The following NSUN6 variants were observed in gnomAD, a reference collection of about 807,000 sequenced individuals.
NSUN6 encodes NOP2/Sun RNA methyltransferase 6.
A neutral mutation model predicts 58.0 loss-of-function variants in NSUN6; 64 were observed. The ratio of observed to expected loss-of-function variants is 1.10; its 90% confidence interval spans 0.90 to 1.36. NSUN6 has a LOEUF of 1.36. Among genes scored for constraint, NSUN6 ranks in the 40% most tolerant of loss-of-function variants. The pLI is 0.00. For synonymous variants in NSUN6, 231 were observed against 193.9 expected, an observed-to-expected ratio of 1.19 and a Z score of -1.59; for missense variants, 701 against 550.1, an observed-to-expected ratio of 1.27 and a Z score of -2.74.
At chr10:18,591,485 A>G (rs2131165958) in intron 7 of NSUN6, among the ~76,000 whole-genome samples, 1 of 152,346 alleles carries the variant, frequency 6.6e-6, no homozygotes, top group South Asian at 2.1e-4. Flanking sequence ...AAATATTGGC[A>G]AACCAGATCC....
intron 7 of NSUN6, among the ~76,000 whole-genome samples, chr10:18,588,439 C>A (rs967615795): frequency 6.6e-6 from 1 of 152,224 alleles, no homozygotes; most frequent in Non-Finnish European, 1.5e-5. Context: ...TGCTAAGGGA[C>A]AGATTGCCTC....
chr10:18,658,195 T>A (rs2059798775), upstream of NSUN6: 1 of 152,234 alleles, frequency 6.6e-6, no homozygotes, highest in Admixed American at 6.5e-5. Flanking sequence ...TTCTTTTTCC[T>A]CTACATAGGA....
chr10:18,602,124 C>T (rs1158934842), intron 6 of NSUN6, among the ~76,000 whole-genome samples: 5 of 151,664 alleles, frequency 3.3e-5, no homozygotes, highest in African/African-American at 9.7e-5. Flanking sequence ...AATGCAGTGG[C>T]GCAATCTCAG....
rs562619016 is a variant in NSUN6 at position 18,547,400 on chromosome 10, C to T, written c.1197+712G>A. On this transcript the variant is annotated intron_variant, in intron 10 of 10. Transcript: ENST00000377304. ...TCTACAATGTAATTATCTTAATTTA[C>T]GAGACTAGAAACCATCTCTGAATTG... Among the ~76,000 whole-genome samples the T allele has an allele frequency of 5.9e-5, 9 of 152,230 alleles. No individual in the cohort carries two copies. The East Asian group carries it at 9.6e-4, about 16-fold the overall frequency.
intron 7 of NSUN6, among the ~76,000 whole-genome samples, chr10:18,589,323 G>A (rs11015022): frequency 0.053 from 7,994 of 152,240 alleles, 291 homozygotes; most frequent in Non-Finnish European, 0.077. Context: ...CAGGGAGAAT[G>A]GACCAAATTG....
At chr10:18,608,558 G>A (rs2058119468) in intron 6 of NSUN6, among the ~76,000 whole-genome samples, 1 of 150,954 alleles carries the variant, frequency 6.6e-6, no homozygotes, top group East Asian at 2.0e-4. Flanking sequence ...AGGATCACCT[G>A]AGCCTGGGAG....
chr10:18,582,860 T>C (rs949723767), intron 8 of NSUN6, among the ~76,000 whole-genome samples: 4 of 152,142 alleles, frequency 2.6e-5, no homozygotes, highest in Non-Finnish European at 5.9e-5. Context: ...TTTACTAAAA[T>C]AGTGGAGCCA....
chr10:18,657,717 A>T (rs374459836), upstream of NSUN6, among the ~76,000 whole-genome samples: 2 of 152,048 alleles, frequency 1.3e-5, no homozygotes, highest in East Asian at 1.9e-4. Flanking sequence ...AGGTTCAAGC[A>T]ATTCTCCTGC....
chr10:18,638,616 A>G (rs555328483), intron 3 of NSUN6, among the ~76,000 whole-genome samples: 7 of 152,302 alleles, frequency 4.6e-5, no homozygotes, highest in South Asian at 4.1e-4. Context: ...TTTCTTCACA[A>G]TAACATTTGA....
intron 5 of NSUN6, among the ~76,000 whole-genome samples, chr10:18,610,795 G>A (rs555273991): frequency 6.6e-6 from 1 of 152,332 alleles, no homozygotes; most frequent in Admixed American, 6.5e-5. Flanking sequence ...CTGGCCTTGT[G>A]TGTCAGGCCA....
chr10:18,572,205 T>C (rs1004325040), intron 8 of NSUN6, among the ~76,000 whole-genome samples: 1 of 148,144 alleles, frequency 6.8e-6, no homozygotes, highest in Non-Finnish European at 1.5e-5. Context: ...TTCCATTCCA[T>C]TTCAATTCAT....
In NSUN6 at chr10:18,545,714, CAT is replaced by C; in HGVS notation, c.*217_*218del. 2.2e-6 allele frequency: 1 copy of C among 463,604 alleles called. No individual in the cohort carries two copies. The highest frequency in any genetic ancestry group is 3.7e-6 in the Non-Finnish European group (1 of 268,994). 28.7% of individuals were successfully genotyped at this position (463,604 alleles called of 1,614,324 possible). On this transcript the variant is annotated 3_prime_UTR_variant, in exon 11 of 11. Coordinates refer to ENST00000377304, the MANE Select transcript of NSUN6 (RefSeq NM_182543.5). ...GCTTTTCTTTATACTCTACTAAATA[CAT>C]AAAAAAAAAAAATCTTTTAAAAACA...
At chr10:18,593,123 C>A (rs2057442269) in intron 7 of NSUN6, among the ~76,000 whole-genome samples, 1 of 152,178 alleles carries the variant, frequency 6.6e-6, no homozygotes, top group Non-Finnish European at 1.5e-5. Flanking sequence ...CATCACTGGT[C>A]ATTAGAGAAA....
chr10:18,556,367 A>C (rs2055021713), intron 8 of NSUN6, among the ~76,000 whole-genome samples: 1 of 149,608 alleles, frequency 6.7e-6, no homozygotes. Flanking sequence ...TGCAATAGAG[A>C]ATGGAAGGCA....
chr10:18,549,874 T>C (rs898969975), intron 9 of NSUN6, among the ~76,000 whole-genome samples: 4 of 152,232 alleles, frequency 2.6e-5, no homozygotes, highest in African/African-American at 9.6e-5. Flanking sequence ...TGTATATGAA[T>C]TTTTCTCAAT....
intron 7 of NSUN6, among the ~76,000 whole-genome samples, chr10:18,595,194 G>A (rs1048956025): frequency 3.3e-5 from 5 of 152,114 alleles, no homozygotes; most frequent in African/African-American, 4.8e-5. Context: ...AGCCCAGCAG[G>A]GATCAGCTGA....
At chr10:18,620,605 C>A (rs966103469) in intron 3 of NSUN6, among the ~76,000 whole-genome samples, 1 of 152,206 alleles carries the variant, frequency 6.6e-6, no homozygotes, top group Non-Finnish European at 1.5e-5. Context: ...CCTAGCATAA[C>A]CTTGCCCACC....
chr10:18,561,857 G>A (rs2055537433), intron 8 of NSUN6, among the ~76,000 whole-genome samples: 1 of 149,738 alleles, frequency 6.7e-6, no homozygotes, highest in Non-Finnish European at 1.5e-5. Flanking sequence ...GAAACGTAAT[G>A]CAGGCTGGAA....
At chr10:18,619,325 C>T (rs528017192) in intron 3 of NSUN6, among the ~76,000 whole-genome samples, 1 of 152,328 alleles carries the variant, frequency 6.6e-6, no homozygotes, top group South Asian at 2.1e-4. Context: ...GAACTTACGG[C>T]TGCGCATTCT....
Sources: allele counts gnomAD v4.1 joint callset (sites outside exome capture counted in the v4.1 genomes callset), GRCh38; gene constraint gnomAD v4.1.1; transcripts MANE v1.5; gene names NCBI Gene and HGNC (gene_info 2026-07-23, HGNC 2026-07-21).